The following LGSN variants were observed in gnomAD, a reference collection of about 807,000 sequenced individuals.
LGSN encodes the protein lengsin, lens protein with glutamine synthetase domain.
LGSN carries 21 observed loss-of-function variants against 19.5 expected under a neutral mutation model. The observed-to-expected ratio is 1.07, with a 90% confidence interval of 0.76 to 1.55. The LOEUF is 1.55. LGSN is among the 40% of genes most tolerant of loss of function. The probability of loss-of-function intolerance (pLI) is 0.00; values close to 1 mark genes in which losing one functional copy is unlikely to be tolerated. For missense variants in LGSN, 673 were observed against 608.5 expected (o/e 1.11, Z -1.12); for synonymous variants, 257 against 215.6 (o/e 1.19, Z -1.68).
the LGSN span, among the ~76,000 whole-genome samples, chr6:63,368,976 C>T: frequency 1.6e-4 from 24 of 152,310 alleles, no homozygotes; most frequent in South Asian, 1.0e-3. Flanking sequence ...ATTACAGTTG[C>T]GGGAAATCCA....
the LGSN span, among the ~76,000 whole-genome samples, chr6:63,496,902 T>G: frequency 6.6e-6 from 1 of 152,242 alleles, no homozygotes; most frequent in East Asian, 1.9e-4. Context: ...CTTGCCTGTA[T>G]AGGATCCAAA....
At chr6:63,353,150 T>C in the LGSN span, among the ~76,000 whole-genome samples, 1 of 152,122 alleles carries the variant, frequency 6.6e-6, no homozygotes, top group Non-Finnish European at 1.5e-5. Context: ...TTATTGAATG[T>C]TTTAATGGTT....
the LGSN span, chr6:63,550,575 A>T: frequency 1.3e-5 from 2 of 151,990 alleles, no homozygotes; most frequent in African/African-American, 4.8e-5. Context: ...TGTGATTAGG[A>T]GGTTTGTTTT....
the LGSN span, among the ~76,000 whole-genome samples, chr6:63,537,480 A>G: frequency 1.3e-5 from 2 of 152,232 alleles, no homozygotes; most frequent in African/African-American, 4.8e-5. Flanking sequence ...TTTGGCATCA[A>G]TATGGTTCTC....
chr6:63,539,204 T>C, the LGSN span, among the ~76,000 whole-genome samples: 2 of 152,204 alleles, frequency 1.3e-5, no homozygotes, highest in Admixed American at 6.5e-5. Flanking sequence ...TGTAAAGTAC[T>C]GATTTAGAAT....
At chr6:63,481,590 C>A in the LGSN span, among the ~76,000 whole-genome samples, 7 of 152,052 alleles carry the variant, frequency 4.6e-5, no homozygotes, top group East Asian at 7.7e-4. Context: ...TCGTGATCCG[C>A]CCGCCTCAGC....
At chr6:63,422,572 A>T in the LGSN span, among the ~76,000 whole-genome samples, 1 of 152,218 alleles carries the variant, frequency 6.6e-6, no homozygotes, top group Admixed American at 6.5e-5. Flanking sequence ...TACCTATAGG[A>T]GTAAACAATT....
the LGSN span, among the ~76,000 whole-genome samples, chr6:63,423,213 G>A: frequency 6.6e-6 from 1 of 152,170 alleles, no homozygotes; most frequent in Non-Finnish European, 1.5e-5. Flanking sequence ...AGGAGCAGTG[G>A]TGCCAATCCG....
At chr6:63,551,737 C>A in the LGSN span, among the ~76,000 whole-genome samples, 1 of 147,242 alleles carries the variant, frequency 6.8e-6, no homozygotes, top group East Asian at 2.1e-4. Context: ...CTTCCTGTGT[C>A]CATGTGTTCT....
the LGSN span, among the ~76,000 whole-genome samples, chr6:63,565,722 C>A: frequency 6.6e-6 from 1 of 152,144 alleles, no homozygotes; most frequent in African/African-American, 2.4e-5. Context: ...AGCTTATTTG[C>A]TCATTGGAAA....
chr6:63,454,793 CTTT>C, the LGSN span, among the ~76,000 whole-genome samples: 4 of 91,740 alleles, frequency 4.4e-5, no homozygotes, highest in African/African-American at 1.3e-4. Context: ...TTTTCTTTTT[CTTT>C]TTTTTTTTTT....
the LGSN span, among the ~76,000 whole-genome samples, chr6:63,356,435 G>A: frequency 3.9e-5 from 6 of 152,016 alleles, no homozygotes; most frequent in Non-Finnish European, 5.9e-5. Context: ...CCAGCTACTC[G>A]GGAGGCTGAG....
At chr6:63,391,030 T>C in the LGSN span, among the ~76,000 whole-genome samples, 5 of 152,174 alleles carry the variant, frequency 3.3e-5, no homozygotes, top group Admixed American at 1.3e-4. Context: ...CTGAAATAAA[T>C]TGATTGCTTC....
chr6:63,331,995 G>A, the LGSN span, among the ~76,000 whole-genome samples: 1 of 152,164 alleles, frequency 6.6e-6, no homozygotes, highest in Non-Finnish European at 1.5e-5. Flanking sequence ...AGGGAGGGAA[G>A]GGATCTTCAG....
At chr6:63,416,967 A>G in the LGSN span, among the ~76,000 whole-genome samples, 2 of 151,314 alleles carry the variant, frequency 1.3e-5, no homozygotes, top group African/African-American at 4.9e-5. Flanking sequence ...ACATTTAACG[A>G]AAGTCGAACT....
the LGSN span, among the ~76,000 whole-genome samples, chr6:63,545,610 C>CAA: frequency 7.0e-6 from 1 of 142,030 alleles, no homozygotes; most frequent in Non-Finnish European, 1.5e-5. Flanking sequence ...GACTCTGTCT[C>CAA]AAAAAAAAAA....
chr6:63,460,924 G>A, the LGSN span, among the ~76,000 whole-genome samples: 2 of 152,176 alleles, frequency 1.3e-5, no homozygotes, highest in Non-Finnish European at 2.9e-5. Context: ...ATATCAAAAT[G>A]TGTATAGTAC....
chr6:63,534,602 C>T, the LGSN span, among the ~76,000 whole-genome samples: 89 of 151,796 alleles, frequency 5.9e-4, no homozygotes, highest in Non-Finnish European at 7.7e-4. Context: ...ATTGCTTGAG[C>T]CCAAGAGTTA....
At chr6:63,351,787 A>C in the LGSN span, among the ~76,000 whole-genome samples, 17 of 152,130 alleles carry the variant, frequency 1.1e-4, no homozygotes, top group African/African-American at 3.9e-4. Context: ...TGTCAAAATA[A>C]AACTAACAGC....
Sources: allele counts gnomAD v4.1 joint callset (sites outside exome capture counted in the v4.1 genomes callset), GRCh38; gene constraint gnomAD v4.1.1; transcripts MANE v1.5; gene names NCBI Gene and HGNC (gene_info 2026-07-23, HGNC 2026-07-21).